SHC4: variants seen among roughly 807,000 people sequenced by gnomAD.
SHC4 encodes SHC adaptor protein 4.
Under a neutral mutation model 69.4 loss-of-function variants are expected in SHC4, and 41 were observed. That is an observed-to-expected ratio of 0.59 (90% CI 0.46 to 0.77). The LOEUF (loss-of-function observed/expected upper bound fraction) is 0.77, where lower values mean the gene tolerates loss of function less well. Among genes scored for constraint, SHC4 ranks in the 30% least tolerant of loss-of-function variants. SHC4 has a pLI of 0.00. For missense variants in SHC4, 777 were observed against 783.8 expected (o/e 0.99, Z 0.10); for synonymous variants, 318 against 299.3 (o/e 1.06, Z -0.64).
At chr15:48,910,732 A>G (rs897164008) in intron 2 of SHC4, among the ~76,000 whole-genome samples, 7 of 152,038 alleles carry the variant, frequency 4.6e-5, no homozygotes, top group Non-Finnish European at 1.0e-4. Flanking sequence ...GCACCGCCTT[A>G]GCTGTATCCC....
intron 2 of SHC4, among the ~76,000 whole-genome samples, chr15:48,914,076 G>T (rs925617574): frequency 6.6e-6 from 1 of 152,188 alleles, no homozygotes; most frequent in African/African-American, 2.4e-5. Flanking sequence ...GCCCAGGCTG[G>T]TCTCACACTC....
chr15:48,833,109 G>A (rs1363135946), intron 11 of SHC4, among the ~76,000 whole-genome samples: 1 of 152,004 alleles, frequency 6.6e-6, no homozygotes, highest in Admixed American at 6.6e-5. Flanking sequence ...TCATAACTTT[G>A]TGTTGGGATC....
rs1415522267 is a variant in SHC4, at chr15:48,843,549, G to T, written c.1343C>A (p.Thr448Asn). Reference sequence around the variant, plus strand: ...TCGGCACGTGTGCTTCAATAATGAGGTATCTCGCTGGGACTGCACCCCTCT... The same window carrying T: ...TCGGCACGTGTGCTTCAATAATGAGTTATCTCGCTGGGACTGCACCCCTCT... ...HPRGVQSQRD[T>N]SLLKHTCRVD... The change falls in exon 10 of 12, where the codon ACC becomes AAC. Residue 448 changes from threonine (T) to asparagine (N), a missense_variant. Thr to Asn is a moderately conservative substitution (Grantham distance 65, BLOSUM62 0). Transcript: ENST00000332408. The T allele has an allele frequency of 5.0e-6, 8 of 1,614,030 alleles. No homozygotes were observed. Among genetic ancestry groups the T allele is most frequent in the Non-Finnish European group, 6.8e-6 (8 of 1,180,022 alleles).
At chr15:48,937,133 T>C (rs958508501) in intron 1 of SHC4, among the ~76,000 whole-genome samples, 5 of 152,248 alleles carry the variant, frequency 3.3e-5, no homozygotes, top group Admixed American at 2.0e-4. Flanking sequence ...TTTGCACAAA[T>C]AGAGATGTAT....
intron 8 of SHC4, among the ~76,000 whole-genome samples, chr15:48,851,844 G>A (rs1406026559): frequency 6.6e-6 from 1 of 152,160 alleles, no homozygotes; most frequent in Non-Finnish European, 1.5e-5. Context: ...AATGAGATTG[G>A]AGTCAGGAAA....
intron 1 of SHC4, among the ~76,000 whole-genome samples, chr15:48,933,149 A>C (rs1901001393): frequency 6.6e-6 from 1 of 152,168 alleles, no homozygotes; most frequent in Non-Finnish European, 1.5e-5. Flanking sequence ...ATGGCCTACA[A>C]AAAGAACAAG....
intron 9 of SHC4, among the ~76,000 whole-genome samples, chr15:48,848,425 T>A (rs892171790): frequency 2.0e-5 from 3 of 152,226 alleles, no homozygotes; most frequent in Non-Finnish European, 4.4e-5. Context: ...ACAGCCACCA[T>A]TAACAAAGGG....
intron 1 of SHC4, among the ~76,000 whole-genome samples, chr15:48,958,823 A>C (rs1229582868): frequency 1.3e-5 from 2 of 152,224 alleles, no homozygotes; most frequent in African/African-American, 4.8e-5. Flanking sequence ...GAATGAAGTC[A>C]CATTTGACAC....
At chr15:48,845,853 TTG>T (rs1413021762) in intron 9 of SHC4, among the ~76,000 whole-genome samples, 4 of 152,332 alleles carry the variant, frequency 2.6e-5, no homozygotes, top group South Asian at 2.1e-4. Context: ...TTTCCTATAT[TTG>T]TGTTTTATGA....
At chr15:48,857,843 T>C (rs369584892) in intron 6 of SHC4, 28 bp from the exon 7 acceptor site, 1 of 1,458,942 alleles carries the variant, frequency 6.9e-7, no homozygotes, top group Non-Finnish European at 9.1e-7. Context: ...AAAAATAATA[T>C]TATAATAAAT....
At chr15:48,942,598 A>G (rs1055411846) in intron 1 of SHC4, among the ~76,000 whole-genome samples, 15 of 152,272 alleles carry the variant, frequency 9.9e-5, no homozygotes, top group African/African-American at 3.4e-4. Flanking sequence ...GGTTATTATT[A>G]TCCAATTATT....
chr15:48,891,947 C>G (rs1056248782), intron 2 of SHC4, among the ~76,000 whole-genome samples: 2 of 152,238 alleles, frequency 1.3e-5, no homozygotes, highest in East Asian at 1.9e-4. Flanking sequence ...CTCCGCTTCC[C>G]GGGTTCATGC....
chr15:48,851,129 G>T, intron 9 of SHC4, 59 bp downstream of exon 9: 6 of 1,541,316 alleles, frequency 3.9e-6, no homozygotes, highest in Non-Finnish European at 4.5e-6. Context: ...GGCCACATAT[G>T]TCCATAGGAC....
chr15:48,840,170 C>T (rs1163698582), intron 10 of SHC4, among the ~76,000 whole-genome samples: 1 of 152,216 alleles, frequency 6.6e-6, no homozygotes, highest in East Asian at 1.9e-4. Flanking sequence ...CCTACCAATC[C>T]CGTGGCACTA....
At chr15:48,870,312 G>C (rs1196322923) in intron 5 of SHC4, among the ~76,000 whole-genome samples, 1 of 152,176 alleles carries the variant, frequency 6.6e-6, no homozygotes. Flanking sequence ...AAAGAGTCCA[G>C]ATAGGCTCTT....
At chr15:48,895,848 C>G (rs1172466950) in intron 2 of SHC4, among the ~76,000 whole-genome samples, 1 of 152,118 alleles carries the variant, frequency 6.6e-6, no homozygotes, top group East Asian at 1.9e-4. Flanking sequence ...TTAGGGAGGC[C>G]GAGGCAGGAG....
At chr15:48,955,592 C>T (rs1693127210) in intron 1 of SHC4, among the ~76,000 whole-genome samples, 1 of 152,204 alleles carries the variant, frequency 6.6e-6, no homozygotes, top group African/African-American at 2.4e-5. Context: ...CTGCCATCCG[C>T]AGGGACCTCC....
chr15:48,930,721 A>G (rs1203232688), intron 1 of SHC4, among the ~76,000 whole-genome samples: 1 of 152,244 alleles, frequency 6.6e-6, no homozygotes, highest in East Asian at 1.9e-4. Context: ...TCTGACCTTC[A>G]TGCAATAAAT....
rs1305527315 is a variant in SHC4, at chr15:48,825,515, C to T, written c.*456G>A. 1 of 152,200 alleles carries T rather than the reference C, an allele frequency of 6.6e-6. No individual in the cohort carries two copies. The highest frequency in any genetic ancestry group is 1.5e-5 in the Non-Finnish European group (1 of 68,258). The allele number at this position is 152,200 out of a possible 1,614,324, so 9.4% of individuals were successfully genotyped here. ...CAAGAAAATTGCTTATTTTTTGTAG[C>T]AAGAAAAGCTTTTTTTTTTGGCAAA... On this transcript the variant is annotated 3_prime_UTR_variant, in exon 12 of 12. Transcript: ENST00000332408.
Sources: gnomAD v4.1 joint callset for allele counts (sites outside exome capture counted in the v4.1 genomes callset) on GRCh38, gnomAD v4.1.1 for gene constraint, MANE v1.5 for transcripts, NCBI Gene and HGNC (gene_info 2026-07-23, HGNC 2026-07-21) for gene names.